Variants in RBCK1 observed in about 807,000 individuals in gnomAD.
The protein encoded by RBCK1 is ranBP-type and C3HC4-type zinc finger-containing protein 1.
Under a neutral mutation model 71.1 loss-of-function variants are expected in RBCK1, and 44 were observed. The observed-to-expected ratio is 0.62, with a 90% confidence interval of 0.49 to 0.80. The LOEUF (loss-of-function observed/expected upper bound fraction) is 0.80, where lower values mean the gene tolerates loss of function less well. RBCK1 is among the 30% of genes least tolerant of loss of function. The pLI is 0.00. For synonymous variants in RBCK1, 306 were observed against 279.7 expected (o/e 1.09, Z -0.94); for missense variants, 569 against 685.0 (o/e 0.83, Z 1.89).
chr20:428,566 C>T lies in RBCK1; in HGVS notation c.1285C>T (p.Arg429Trp), dbSNP rs764244683. The stretch of plus-strand genomic sequence containing the variant: ...GCGGGCTCAGAACGATGTGGCTGCC[C>T]GGCAGACGACAGAGATGCTGAAGGT... Reference protein sequence around the residue: ...ALRAQNDVAARQTTEMLKVML... With the variant: ...ALRAQNDVAAWQTTEMLKVML... The change falls in exon 10 of 12, where the codon CGG (arginine) becomes TGG (tryptophan). Residue 429 changes from arginine to tryptophan, a missense_variant. Around this residue, in one of 2 missense-constraint regions of RBCK1, gnomAD observed 211 missense variants for 309.4 expected, o/e 0.68. Coordinates refer to ENST00000356286, the MANE Select transcript of RBCK1 (RefSeq NM_031229.4). The surrounding 1 kb of genome is among the most constrained non-coding windows in gnomAD (Gnocchi z 5.7). The T allele has an allele frequency of 3.1e-5, 50 of 1,611,598 alleles. No individual in the cohort carries two copies. The highest frequency in any genetic ancestry group is 1.3e-4 in the East Asian group (6 of 44,828).
rs781592121 is a variant in RBCK1 at position 422,201 on chromosome 20, C to T, written c.992C>T (p.Ser331Leu). ...VSCPFIDNTY[S>L]CSGKLLEREI... ...TGCCCCTTCATTGACAACACCTACT[C>T]GTGCTCGGGCAAGCTGCTGGAGAGG... Residue 331 changes from serine (S) to leucine (L), a missense_variant, in exon 8 of 12, where the codon TCG (serine) becomes TTG (leucine). By Grantham distance (145) the Ser-to-Leu change is moderately radical. Around this residue, in one of 2 missense-constraint regions of RBCK1, gnomAD observed 211 missense variants for 309.4 expected, o/e 0.68. Coordinates refer to ENST00000356286, the MANE Select transcript of RBCK1 (RefSeq NM_031229.4). This position sits in a 1 kb window ranked among gnomAD's most constrained non-coding sequence, Gnocchi z 5.0. 4.8e-5 allele frequency: 78 copies of T among 1,613,310 alleles called. No individual in the cohort carries two copies. Among genetic ancestry groups the T allele is most frequent in the Non-Finnish European group, 1.2e-5 (14 of 1,179,930 alleles).
At chr20:414,111 C>G (rs2015862499) in intron 2 of RBCK1, among the ~76,000 whole-genome samples, 1 of 151,370 alleles carries the variant, frequency 6.6e-6, no homozygotes, top group Admixed American at 6.6e-5. Flanking sequence ...AAAGAAAAAT[C>G]CCTGGGAAAC....
intron 7 of RBCK1, 95 bp downstream of exon 7, chr20:421,126 T>C (rs995924250): frequency 3.0e-5 from 41 of 1,389,126 alleles, no homozygotes; most frequent in African/African-American, 4.4e-5. Flanking sequence ...CTCTGATACC[T>C]CATTGGACGC....
chr20:420,044 C>T, intron 6 of RBCK1: 6 of 970,210 alleles, frequency 6.2e-6, no homozygotes, highest in Non-Finnish European at 7.4e-6. Flanking sequence ...TGGCCATGAC[C>T]CCAGCACCCT....
Position 409,903 on chromosome 20 carries a change from C to T in RBCK1, c.45C>T (p.Leu15=). The change falls in exon 2 of 12, where the codon CTC becomes CTT. Residue 15 remains leucine (L), a synonymous_variant. Coordinates refer to ENST00000356286, the MANE Select transcript of RBCK1 (RefSeq NM_031229.4). The stretch of plus-strand genomic sequence containing the variant: ...CAGCAGAGGAAATGGCCCTGAGCCT[C>T]ACCCGAGCAGTGGCGGGCGGGGATG... ...TKKAEEMALS[L]TRAVAGGDEQ... is the part of the protein sequence containing the mutation. The T allele has an allele frequency of 6.2e-7, 1 of 1,614,074 alleles. No individual in the cohort carries two copies. The highest frequency in any genetic ancestry group is 8.5e-7 in the Non-Finnish European group (1 of 1,180,006).
rs530002162 is a variant in RBCK1, at chr20:417,008, T to C, written c.168-518T>C. The stretch of plus-strand genomic sequence containing the variant: ...TGTGTCTTAAAATTAAATCAAGACA[T>C]ACAAATGAATCCTGCCTCTAACAGT... On this transcript the variant is annotated intron_variant, in intron 2 of 11. Coordinates refer to ENST00000356286, the MANE Select transcript of RBCK1 (RefSeq NM_031229.4). The surrounding 1 kb of genome is among the most constrained non-coding windows in gnomAD (Gnocchi z 4.7). 1.8e-3 allele frequency among the ~76,000 whole-genome samples: 273 copies of C among 152,266 alleles called. 3 individuals carry two copies. The highest frequency in any genetic ancestry group is 6.1e-3 in the African/African-American group (255 of 41,556).
intron 11 of RBCK1, 97 bp downstream of exon 11, chr20:429,191 C>G (rs894436520): frequency 6.8e-7 from 1 of 1,461,710 alleles, no homozygotes; most frequent in Non-Finnish European, 9.1e-7. Flanking sequence ...CATATCCAAC[C>G]CAGCACCTGA....
chr20:410,104 G>T, intron 2 of RBCK1, 79 bp downstream of exon 2: 1 of 1,476,856 alleles, frequency 6.8e-7, no homozygotes, highest in Non-Finnish European at 9.1e-7. Context: ...TCTTCCTAAT[G>T]GCACGTTCTG....
intron 9 of RBCK1, 93 bp downstream of exon 9, chr20:427,585 T>C: frequency 7.3e-7 from 1 of 1,376,522 alleles, no homozygotes; most frequent in Non-Finnish European, 1.0e-6. Context: ...AAGGGAGCTG[T>C]GACACTGGCC....
intron 2 of RBCK1, chr20:410,700 T>A (rs1183636027): frequency 4.8e-6 from 3 of 619,064 alleles, no homozygotes; most frequent in Non-Finnish European, 8.8e-6. Flanking sequence ...AACTCAATGC[T>A]GAAACACTTT....
chr20:420,918 G>A lies in RBCK1; in HGVS notation c.804G>A (p.Leu268=). 6.4e-7 allele frequency: 1 copy of A among 1,555,138 alleles called. No individual in the cohort carries two copies. The highest frequency in any genetic ancestry group is 8.7e-7 in the Non-Finnish European group (1 of 1,151,226). ...QEGNYLQHVQ[L]DQRSLVLNTE... ...GGAACTACCTGCAGCACGTCCAGCT[G>A]GACCAGAGGAGCCTGGTGCTGAACA... The change falls in exon 7 of 12, where the codon CTG becomes CTA. Residue 268 remains leucine, a synonymous_variant. Coordinates refer to ENST00000356286, the MANE Select transcript of RBCK1 (RefSeq NM_031229.4).
In RBCK1 at chr20:408,636, G is replaced by A. The variant is rs41306771; in HGVS notation, c.-122G>A. Reference sequence around the variant, plus strand: ...GCGAGGCACACACAGGGCTTGGGCCGCGCCGGAGGCCACACGGCCTGGCTG... The same window carrying A: ...GCGAGGCACACACAGGGCTTGGGCCACGCCGGAGGCCACACGGCCTGGCTG... On this transcript the variant is annotated 5_prime_UTR_variant, in exon 1 of 12. Coordinates refer to ENST00000356286, the MANE Select transcript of RBCK1 (RefSeq NM_031229.4). 49,874 of 1,322,684 alleles carry A rather than the reference G, an allele frequency of 0.038. 1,146 individuals are homozygous for A. The highest frequency in any genetic ancestry group is 0.051 in the South Asian group (4,074 of 79,718). The allele number at this position is 1,322,684 out of a possible 1,614,324, so 81.9% of individuals were successfully genotyped here.
At chr20:425,414 C>T (rs6051934) in intron 8 of RBCK1, among the ~76,000 whole-genome samples, 6,944 of 152,272 alleles carry the variant, frequency 0.046, 178 homozygotes, top group South Asian at 0.07. Flanking sequence ...ATGTAACTCT[C>T]GTAACCACCA....
chr20:422,327 C>CA lies in RBCK1; in HGVS notation c.1029+89_1029+90insA. 4 of 879,558 alleles carry CA rather than the reference C, an allele frequency of 4.5e-6. No homozygotes were observed. Among genetic ancestry groups the CA allele is most frequent in the Non-Finnish European group, 6.9e-6 (4 of 583,256 alleles). The allele number at this position is 879,558 out of a possible 1,614,324, so 54.5% of individuals were successfully genotyped here. A position where few individuals can be genotyped will look rare whatever the true frequency, so the allele number is the denominator to read the frequency against. ...GGCAGCAGACATCTTTCTTTTCTTT[C>CA]TTTTTTTTTTTTGGAGATGGGGTCT... On this transcript the variant is annotated intron_variant, in intron 8 of 11. Coordinates refer to ENST00000356286, the MANE Select transcript of RBCK1 (RefSeq NM_031229.4). The surrounding 1 kb of genome is among the most constrained non-coding windows in gnomAD (Gnocchi z 5.0).
chr20:429,883 G>A (rs1022699762), intron 11 of RBCK1, among the ~76,000 whole-genome samples: 1 of 152,204 alleles, frequency 6.6e-6, no homozygotes, highest in African/African-American at 2.4e-5. Flanking sequence ...CATTTCCTCT[G>A]TGAAATGGAG....
At chr20:421,991 G>A (rs2016463626) in intron 7 of RBCK1, 136 bp from the exon 8 acceptor site, 2 of 627,776 alleles carry the variant, frequency 3.2e-6, no homozygotes, top group Non-Finnish European at 2.8e-6. Context: ...GGATGGGAAG[G>A]AAGGAGATAT....
In RBCK1 at chr20:420,984, G is replaced by A. The variant is rs761782681; in HGVS notation, c.870G>A (p.Ala290=). 6.4e-7 allele frequency: 1 copy of A among 1,563,594 alleles called. No individual in the cohort carries two copies. The highest frequency in any genetic ancestry group is 1.2e-5 in the South Asian group (1 of 85,128). The change falls in exon 7 of 12, where the codon GCG becomes GCA. Residue 290 remains alanine (A), a synonymous_variant. Coordinates refer to ENST00000356286, the MANE Select transcript of RBCK1 (RefSeq NM_031229.4). ...GCCCCGTGTGCTACTCGGTGCTGGC[G>A]CCCGGCGAGGCCGTGGTGCTGCGTG... ...AECPVCYSVL[A]PGEAVVLREC...
chr20:428,235 C>T lies in RBCK1; in HGVS notation c.1210-256C>T, dbSNP rs1450373040. 6.6e-6 allele frequency among the ~76,000 whole-genome samples: 1 copy of T among 152,174 alleles called. No homozygotes were observed. The highest frequency in any genetic ancestry group is 1.9e-4 in the East Asian group (1 of 5,186). On this transcript the variant is annotated intron_variant, in intron 9 of 11. Coordinates refer to ENST00000356286, the MANE Select transcript of RBCK1 (RefSeq NM_031229.4). This position sits in a 1 kb window ranked among gnomAD's most constrained non-coding sequence, Gnocchi z 5.7. Reference sequence around the variant, plus strand: ...AACTTAAATAAGCTGGGTGTGGCAGCACATGTCAGTGGTCCCAGCTACTCA... The same window carrying T: ...AACTTAAATAAGCTGGGTGTGGCAGTACATGTCAGTGGTCCCAGCTACTCA...
intron 8 of RBCK1, among the ~76,000 whole-genome samples, chr20:424,627 C>G (rs1344737304): frequency 7.2e-5 from 11 of 152,204 alleles, no homozygotes; most frequent in Admixed American, 7.2e-4. Flanking sequence ...GTTGCTGAGG[C>G]TCCTTCGCTC....
Sources: allele counts gnomAD v4.1 joint callset (sites outside exome capture counted in the v4.1 genomes callset), GRCh38; gene constraint gnomAD v4.1.1; regional missense constraint gnomAD v4.1.1; non-coding constraint Gnocchi (gnomAD v3.1); transcripts MANE v1.5; gene names NCBI Gene and HGNC (gene_info 2026-07-23, HGNC 2026-07-21).